RET: variants seen among roughly 807,000 people sequenced by gnomAD.
RET encodes the protein ret proto-oncogene, also known as proto-oncogene tyrosine-protein kinase receptor Ret.
A neutral mutation model predicts 118.3 loss-of-function variants in RET; 19 were observed. The ratio of observed to expected loss-of-function variants is 0.16; its 90% confidence interval spans 0.11 to 0.24. The LOEUF is 0.24. Ranked by LOEUF, RET falls within the 10% of genes least tolerant of loss-of-function variation. The probability of loss-of-function intolerance (pLI) is 1.00; values close to 1 mark genes in which losing one functional copy is unlikely to be tolerated. For synonymous variants in RET, 597 were observed against 644.1 expected, an observed-to-expected ratio of 0.93 and a Z score of 1.11; for missense variants, 1,219 against 1,502.1, an observed-to-expected ratio of 0.81 and a Z score of 3.12.
chr10:43,096,117 G>A (rs1476132548), intron 1 of RET, among the ~76,000 whole-genome samples: 4 of 152,192 alleles, frequency 2.6e-5, no homozygotes, highest in Non-Finnish European at 5.9e-5. Context: ...CTGTCACCAC[G>A]TGGCATTTGG....
intron 17 of RET, among the ~76,000 whole-genome samples, chr10:43,124,333 G>A (rs1393055682): frequency 6.6e-6 from 1 of 152,138 alleles, no homozygotes; most frequent in Non-Finnish European, 1.5e-5. Flanking sequence ...CGTGGAGGGG[G>A]CATGCTGGGC....
chr10:43,102,808 A>G (rs938446760), intron 3 of RET, 179 bp downstream of exon 3: 39 of 729,504 alleles, frequency 5.3e-5, no homozygotes, highest in Non-Finnish European at 7.3e-5. Context: ...GGAGCTAAGG[A>G]TATAACAATG....
At chr10:43,077,569 G>C (rs1337264558) in intron 1 of RET, among the ~76,000 whole-genome samples, 3 of 150,752 alleles carry the variant, frequency 2.0e-5, no homozygotes, top group African/African-American at 7.3e-5. Context: ...GGAGCGGAGC[G>C]CGGGCCGGGC....
At position 43,102,407 on chromosome 10, in the gene RET, G is replaced by A. The variant is rs2132679506; in HGVS notation, c.403G>A (p.Gly135Ser). 1 of 1,614,210 alleles carries A rather than the reference G, an allele frequency of 6.2e-7. No individual in the cohort carries two copies. ...VFLSPTSLREGECQWPGCARV... is the reference protein window; with the variant it reads ...VFLSPTSLRESECQWPGCARV... ...CCTGTCACCCACATCCCTTCGTGAG[G>A]GCGAGTGCCAGTGGCCAGGCTGTGC... Residue 135 changes from glycine to serine, a missense_variant, in exon 3 of 20, where the codon GGC becomes AGC. This residue lies in a region of RET where 84 missense variants were observed against 163.6 expected (regional missense o/e 0.51). Coordinates refer to ENST00000355710, the MANE Select transcript of RET (RefSeq NM_020975.6).
chr10:43,120,272 T>C (rs2132966668), intron 15 of RET, 69 bp downstream of exon 15: 1 of 1,592,322 alleles, frequency 6.3e-7, no homozygotes, highest in South Asian at 1.1e-5. Flanking sequence ...GGCAGTGCCC[T>C]TGGGAAGCCT....
chr10:43,084,584 G>C (rs1443715224), intron 1 of RET, among the ~76,000 whole-genome samples: 1 of 152,224 alleles, frequency 6.6e-6, no homozygotes, highest in Admixed American at 6.5e-5. Context: ...TGACTTTGCT[G>C]TTGCATCTGC....
At chr10:43,108,836 T>A (rs1393472333) in intron 5 of RET, among the ~76,000 whole-genome samples, 195 bp from the exon 6 acceptor site, 1 of 152,220 alleles carries the variant, frequency 6.6e-6, no homozygotes, top group Non-Finnish European at 1.5e-5. Context: ...CCTTGGACTT[T>A]CAGTTCAGTA....
chr10:43,111,979 C>A, intron 7 of RET, 120 bp from the exon 8 acceptor site: 2 of 1,408,520 alleles, frequency 1.4e-6, no homozygotes, highest in Non-Finnish European at 1.9e-6. Flanking sequence ...GTCTGTCACT[C>A]CGGTCCCCTT....
intron 1 of RET, among the ~76,000 whole-genome samples, chr10:43,093,484 A>G (rs1837451645): frequency 6.6e-6 from 1 of 152,218 alleles, no homozygotes. Flanking sequence ...AGAGCAAGGC[A>G]TGGAGATGCC....
At position 43,112,196 on chromosome 10, in the gene RET, G is replaced by A. The variant is rs776381183; in HGVS notation, c.1620G>A (p.Arg540=). Residue 540 remains arginine, a synonymous_variant, in exon 8 of 20, where the codon AGG becomes AGA. Coordinates refer to ENST00000355710, the MANE Select transcript of RET (RefSeq NM_020975.6). ...ECGGLGSPTG[R]CEWRQGDGKG... is the part of the protein sequence containing the mutation. ...GCGGCCTGGGCTCCCCAACAGGCAG[G>A]TGTGAGTGGAGGCAAGGAGATGGCA... is the stretch of plus-strand genomic sequence containing the variant. The A allele has an allele frequency of 3.2e-6, 5 of 1,560,786 alleles. No homozygotes were observed. The highest frequency in any genetic ancestry group is 2.4e-5 in the South Asian group (2 of 84,776).
At chr10:43,081,681 G>A (rs1375244023) in intron 1 of RET, among the ~76,000 whole-genome samples, 1 of 152,182 alleles carries the variant, frequency 6.6e-6, no homozygotes, top group African/African-American at 2.4e-5. Flanking sequence ...GGACTATGAG[G>A]TCAAATGGGG....
chr10:43,083,990 G>A (rs1837239931), intron 1 of RET, among the ~76,000 whole-genome samples: 1 of 152,190 alleles, frequency 6.6e-6, no homozygotes. Flanking sequence ...GGCTTGGCCT[G>A]TCCTGGAACA....
At chr10:43,093,706 T>C (rs1300012640) in intron 1 of RET, among the ~76,000 whole-genome samples, 3 of 151,954 alleles carry the variant, frequency 2.0e-5, no homozygotes, top group Non-Finnish European at 4.4e-5. Context: ...TGGGAGAAAG[T>C]GGGTTACCCA....
rs1286634866 is a variant in RET, at chr10:43,111,310, C to T, written c.1367C>T (p.Thr456Ile). Residue 456 changes from threonine to isoleucine, a missense_variant, in exon 7 of 20, where the codon ACC (threonine) becomes ATC (isoleucine). By Grantham distance (89) the Thr-to-Ile change is moderately conservative. This residue lies in a region of RET where 850 missense variants were observed against 969.6 expected (regional missense o/e 0.88). Transcript: ENST00000355710. ...AACTGCAGCACGCTAGGGGTGGTCA[C>T]CTCAGCCGAGGACACCTCGGGGATC... ...GANCSTLGVV[T>I]SAEDTSGILF... 3 of 1,614,032 alleles carry T rather than the reference C, an allele frequency of 1.9e-6. No homozygotes were observed. Among genetic ancestry groups the T allele is most frequent in the East Asian group, 4.5e-5 (2 of 44,902 alleles).
chr10:43,089,439 G>A (rs536414075), intron 1 of RET, among the ~76,000 whole-genome samples: 1 of 152,358 alleles, frequency 6.6e-6, no homozygotes, highest in Admixed American at 6.5e-5. Flanking sequence ...GTGTCCATCT[G>A]TCCTGCCTGG....
chr10:43,092,202 C>T (rs1837425791), intron 1 of RET, among the ~76,000 whole-genome samples: 1 of 152,160 alleles, frequency 6.6e-6, no homozygotes, highest in Admixed American at 6.5e-5. Context: ...GGTTGAACCT[C>T]GAGGGCATTA....
In RET at chr10:43,100,519, C is replaced by A. The variant is rs763526874; in HGVS notation, c.134C>A (p.Ala45Glu). Residue 45 changes from alanine to glutamate, a missense_variant, in exon 2 of 20, where the codon GCA becomes GAA. By Grantham distance (107) the Ala-to-Glu change is moderately radical (BLOSUM62 -1). Coordinates refer to ENST00000355710, the MANE Select transcript of RET (RefSeq NM_020975.6). ...AYWEKLYVDQ[A>E]AGTPLLYVHA... ...TGGGAGAAGCTGTATGTGGACCAGG[C>A]AGCCGGCACGCCCTTGCTGTACGTC... 1.2e-6 allele frequency: 2 copies of A among 1,613,688 alleles called. No homozygotes were observed. Among genetic ancestry groups the A allele is most frequent in the Non-Finnish European group, 1.7e-6 (2 of 1,180,010 alleles).
intron 1 of RET, among the ~76,000 whole-genome samples, chr10:43,084,126 G>T (rs963753648): frequency 1.1e-4 from 16 of 152,212 alleles, no homozygotes; most frequent in African/African-American, 3.9e-4. Flanking sequence ...ATTCATCTGG[G>T]GATGGACACG....
At chr10:43,077,475 C>T (rs1367938829) in intron 1 of RET, 144 bp downstream of exon 1, 3 of 1,002,440 alleles carry the variant, frequency 3.0e-6, no homozygotes, top group African/African-American at 3.5e-5. Flanking sequence ...CGGCTGGGAG[C>T]GCAGTGGCTG....
Sources: allele counts gnomAD v4.1 joint callset (sites outside exome capture counted in the v4.1 genomes callset), GRCh38; gene constraint gnomAD v4.1.1; regional missense constraint gnomAD v4.1.1; transcripts MANE v1.5; gene names NCBI Gene and HGNC (gene_info 2026-07-23, HGNC 2026-07-21).